RGS22: variants seen among roughly 807,000 people sequenced by gnomAD.
RGS22 encodes the protein regulator of G-protein signaling 22.
Under a neutral mutation model 172.9 loss-of-function variants are expected in RGS22, and 148 were observed. The ratio of observed to expected loss-of-function variants is 0.86; its 90% CI spans 0.75 to 0.98. The LOEUF (loss-of-function observed/expected upper bound fraction) is 0.98, where lower values mean the gene tolerates loss of function less well. RGS22 is among the 50% of genes least tolerant of loss of function. RGS22 has a pLI of 0.00. For missense variants in RGS22, 1,347 were observed against 1,440.8 expected (o/e 0.93, Z 1.05); for synonymous variants, 458 against 480.2 (o/e 0.95, Z 0.60).
At chr8:100,038,506 G>A in intron 14 of RGS22, 1 of 155,332 alleles carries the variant, frequency 6.4e-6, no homozygotes, top group Non-Finnish European at 1.4e-5. Flanking sequence ...CAAGTCAACA[G>A]CCTAGTATGT....
At chr8:100,064,791 A>G (rs1384601712) in intron 7 of RGS22, among the ~76,000 whole-genome samples, 1 of 152,250 alleles carries the variant, frequency 6.6e-6, no homozygotes, top group African/African-American at 2.4e-5. Context: ...AAAATTCACT[A>G]CCATAGATTG....
Position 99,978,055 on chromosome 8 carries a change from C to T in RGS22, c.3381G>A (p.Leu1127=). The change falls in exon 23 of 28, where the codon CTG becomes CTA. Residue 1127 remains leucine (L), a synonymous_variant. Transcript: ENST00000360863. ...CACAGAACTGAGGCCAGAATTTAAACAGAACCCCAAAAATTGTCATCTGTA... is the reference window on the plus strand; with the variant it reads ...CACAGAACTGAGGCCAGAATTTAAATAGAACCCCAAAAATTGTCATCTGTA... ...REAQMTIFGV[L]FKFWPQFCEF... The T allele has an allele frequency of 6.6e-7, 1 of 1,517,260 alleles. No individual in the cohort carries two copies. Among genetic ancestry groups the T allele is most frequent in the Non-Finnish European group, 8.7e-7 (1 of 1,144,282 alleles). 94.0% of individuals were successfully genotyped at this position (1,517,260 alleles called of 1,614,324 possible).
intron 2 of RGS22, among the ~76,000 whole-genome samples, chr8:100,103,495 T>C (rs1300562117): frequency 6.6e-6 from 1 of 151,988 alleles, no homozygotes; most frequent in African/African-American, 2.4e-5. Context: ...GACAGCATAG[T>C]GTGGAGGGGC....
chr8:100,080,166 C>T lies in RGS22; in HGVS notation c.307G>A (p.Asp103Asn). The change falls in exon 4 of 28, where the codon GAT becomes AAT. Residue 103 changes from aspartate (D) to asparagine (N), a missense_variant. By Grantham distance (23) the Asp-to-Asn change is conservative (BLOSUM62 1). Transcript: ENST00000360863. ...KPVQMNAPDE[D>N]ETINVNYNIM... is the part of the protein sequence containing the mutation. The stretch of plus-strand genomic sequence containing the variant: ...TTGTAGTTGACATTAATGGTCTCAT[C>T]TTCATCGGGGGCATTCATTTGAACA... 6.2e-7 allele frequency: 1 copy of T among 1,611,754 alleles called. No homozygotes were observed. The highest frequency in any genetic ancestry group is 8.5e-7 in the Non-Finnish European group (1 of 1,178,094).
chr8:99,995,517 T>C (rs1457909055), intron 20 of RGS22, among the ~76,000 whole-genome samples: 1 of 152,150 alleles, frequency 6.6e-6, no homozygotes, highest in Non-Finnish European at 1.5e-5. Flanking sequence ...AATATGCTCA[T>C]CATCACTGGT....
intron 17 of RGS22, 66 bp downstream of exon 17, chr8:100,003,860 T>A (rs1399185829): frequency 1.5e-6 from 2 of 1,331,496 alleles, no homozygotes; most frequent in East Asian, 4.9e-5. Flanking sequence ...TTTTATAATA[T>A]GTTGAATCAA....
chr8:100,071,016 C>T (rs1471681902), intron 6 of RGS22, among the ~76,000 whole-genome samples: 4 of 152,206 alleles, frequency 2.6e-5, no homozygotes, highest in African/African-American at 9.6e-5. Context: ...GGCGTGGTAG[C>T]TTACGCCTGT....
At chr8:100,077,084 G>A (rs1304110009) in intron 4 of RGS22, among the ~76,000 whole-genome samples, 1 of 151,802 alleles carries the variant, frequency 6.6e-6, no homozygotes, top group Non-Finnish European at 1.5e-5. Context: ...TTTTTTAACT[G>A]CCTGTAAAAT....
intron 11 of RGS22, 35 bp downstream of exon 11, chr8:100,047,428 A>G: frequency 1.3e-6 from 2 of 1,551,192 alleles, no homozygotes; most frequent in Non-Finnish European, 8.7e-7. Flanking sequence ...TTAGTATTGC[A>G]GAAAAGCACT....
At chr8:99,968,706 G>T (rs1306008095) in intron 23 of RGS22, among the ~76,000 whole-genome samples, 2 of 152,066 alleles carry the variant, frequency 1.3e-5, no homozygotes, top group Non-Finnish European at 2.9e-5. Context: ...AATGAACAAA[G>T]CCTCCAAGAA....
chr8:100,051,605 A>G lies in RGS22; in HGVS notation c.1689+1197T>C, dbSNP rs1315692634. ...TTTATACATATATAAATATATATTT[A>G]TATATGTTTATACATATATAAATAT... is the stretch of plus-strand genomic sequence containing the variant. On this transcript the variant is annotated intron_variant, in intron 10 of 27. Transcript: ENST00000360863. Among the ~76,000 whole-genome samples the G allele has an allele frequency of 4.1e-5, 2 of 48,856 alleles. 1 individual carries two copies. The highest frequency in any genetic ancestry group is 6.6e-5 in the Non-Finnish European group (2 of 30,160). 32.1% of individuals were successfully genotyped at this position (48,856 alleles called of 152,430 possible).
chr8:100,092,235 C>T (rs1812639918), intron 3 of RGS22, among the ~76,000 whole-genome samples: 1 of 152,044 alleles, frequency 6.6e-6, no homozygotes, highest in Admixed American at 6.6e-5. Flanking sequence ...AAAACAGTTT[C>T]ATAACACAAT....
intron 6 of RGS22, among the ~76,000 whole-genome samples, chr8:100,070,035 AAAAAAAAAAAAAAC>A (rs898356745): frequency 6.7e-6 from 1 of 149,674 alleles, no homozygotes; most frequent in African/African-American, 2.4e-5. Context: ...CTCAAAAAAA[AAAAAAAAAAAAAAC>A]AAAACAAAAC....
At chr8:100,075,242 G>A (rs1365861564) in intron 4 of RGS22, among the ~76,000 whole-genome samples, 2 of 152,166 alleles carry the variant, frequency 1.3e-5, no homozygotes, top group Non-Finnish European at 2.9e-5. Context: ...GGTCATGGGA[G>A]CGAATCCCTC....
chr8:100,081,071 T>C (rs1383918880), intron 3 of RGS22, among the ~76,000 whole-genome samples: 1 of 152,174 alleles, frequency 6.6e-6, no homozygotes, highest in African/African-American at 2.4e-5. Context: ...ATTGGCCATG[T>C]CTTTTCCCAT....
intron 14 of RGS22, among the ~76,000 whole-genome samples, chr8:100,014,594 C>T (rs1455206000): frequency 6.6e-6 from 1 of 152,172 alleles, no homozygotes; most frequent in Non-Finnish European, 1.5e-5. Context: ...ACTCTCTTTC[C>T]TCTGACTTCG....
chr8:99,989,674 T>C (rs990932951), intron 20 of RGS22, among the ~76,000 whole-genome samples: 1 of 152,082 alleles, frequency 6.6e-6, no homozygotes, highest in Non-Finnish European at 1.5e-5. Flanking sequence ...CAAAACCCCA[T>C]CTACACCAAA....
At chr8:100,078,866 A>G (rs1014671312) in intron 4 of RGS22, among the ~76,000 whole-genome samples, 3 of 152,194 alleles carry the variant, frequency 2.0e-5, no homozygotes, top group African/African-American at 7.2e-5. Flanking sequence ...AGCTCAGGCA[A>G]TCCACCTGCC....
chr8:99,992,524 C>T (rs1039340685), intron 20 of RGS22, among the ~76,000 whole-genome samples: 4 of 152,042 alleles, frequency 2.6e-5, no homozygotes, highest in African/African-American at 9.7e-5. Context: ...CAAAGAAGGC[C>T]GTTACATAAT....
Sources: gnomAD v4.1 joint callset for allele counts (sites outside exome capture counted in the v4.1 genomes callset) on GRCh38, gnomAD v4.1.1 for gene constraint, MANE v1.5 for transcripts, NCBI Gene and HGNC (gene_info 2026-07-23, HGNC 2026-07-21) for gene names.